The following NHSL2 variants were observed in gnomAD, a reference collection of about 807,000 sequenced individuals.
NHSL2 encodes the protein NHS-like protein 2.
A neutral mutation model predicts 53.4 loss-of-function variants in NHSL2; 27 were observed. That is an observed-to-expected ratio of 0.51 (90% CI 0.37 to 0.70). The LOEUF (loss-of-function observed/expected upper bound fraction) is 0.70. Ranked by LOEUF, NHSL2 falls within the 30% of genes least tolerant of loss-of-function variation. NHSL2 has a pLI of 0.00. For synonymous variants in NHSL2, 408 were observed against 404.1 expected (o/e 1.01, Z -0.12); for missense variants, 892 against 980.1 (o/e 0.91, Z 1.20).
intron 1 of NHSL2, among the ~76,000 whole-genome samples, chrX:72,108,832 C>T (rs753165464): frequency 8.1e-5 from 9 of 111,518 alleles, no homozygotes; most frequent in Non-Finnish European, 1.7e-4. Flanking sequence ...TTCCCTTCCC[C>T]GCCCCAGACC....
intron 1 of NHSL2, among the ~76,000 whole-genome samples, chrX:72,112,355 A>G (rs1480501534): frequency 1.8e-5 from 2 of 111,979 alleles, no homozygotes; most frequent in East Asian, 5.6e-4. Context: ...GATATAACTC[A>G]CATACCATGC....
At chrX:72,011,227 C>T (rs957935259) in intron 1 of NHSL2, among the ~76,000 whole-genome samples, 13 of 112,278 alleles carry the variant, frequency 1.2e-4, no homozygotes, top group Non-Finnish European at 2.1e-4. Context: ...GGGTTATTCC[C>T]AGTTTTGGGC....
chrX:71,980,948 T>A (rs1260913338), intron 1 of NHSL2, among the ~76,000 whole-genome samples: 1 of 111,720 alleles, frequency 9.0e-6, no homozygotes. Context: ...CCCCTTGAAA[T>A]TAAAAAGGAG....
At chrX:71,964,398 CT>C (rs1049238796) in intron 1 of NHSL2, among the ~76,000 whole-genome samples, 2 of 109,683 alleles carry the variant, frequency 1.8e-5, no homozygotes, top group South Asian at 7.9e-4. Flanking sequence ...TGAACTCATC[CT>C]TTTTTATGGC....
At chrX:72,056,994 T>C (rs769913845) in intron 1 of NHSL2, among the ~76,000 whole-genome samples, 1 of 112,597 alleles carries the variant, frequency 8.9e-6, no homozygotes, top group African/African-American at 3.2e-5. Context: ...GGCCTGATTC[T>C]GTGAACTTCA....
At chrX:71,949,906 C>T (rs1244755256) in intron 1 of NHSL2, among the ~76,000 whole-genome samples, 1 of 112,981 alleles carries the variant, frequency 8.9e-6, no homozygotes, top group African/African-American at 3.2e-5. Flanking sequence ...ACAGGGCTGG[C>T]CTGAGGTTGT....
intron 1 of NHSL2, among the ~76,000 whole-genome samples, chrX:71,943,472 A>T (rs1321455066): frequency 1.8e-5 from 2 of 112,858 alleles, no homozygotes; most frequent in East Asian, 5.6e-4. Flanking sequence ...GTATCTGCAC[A>T]TATCGCCTGT....
chrX:71,954,910 C>T (rs2041836292), intron 1 of NHSL2, among the ~76,000 whole-genome samples: 1 of 112,235 alleles, frequency 8.9e-6, no homozygotes, highest in Non-Finnish European at 1.9e-5. Flanking sequence ...CTGATCTTAA[C>T]CCTATTCCCC....
In NHSL2 at chrX:72,043,947, A is replaced by G. The variant is rs752838559; in HGVS notation, c.281-88132A>G. The stretch of plus-strand genomic sequence containing the variant: ...GGTTTGTTCTGCCAAAGTTTATTGG[A>G]CTCCCCTTTATGTCATACACTCCCT... On this transcript the variant is annotated intron_variant, in intron 1 of 7. Transcript: ENST00000633930. Among the ~76,000 whole-genome samples the G allele has an allele frequency of 2.7e-5, 3 of 111,101 alleles. No individual in the cohort carries two copies. The East Asian group carries it at 8.4e-4, about 31-fold the overall frequency.
chrX:72,110,644 G>A lies in NHSL2; in HGVS notation c.281-21435G>A, dbSNP rs760059574. ...CTCAAGAGGGAGGCCCAGCAACAGGGAGTTGGTTTCTGTAGGCCCTAGACT... is the reference window on the plus strand; with the variant it reads ...CTCAAGAGGGAGGCCCAGCAACAGGAAGTTGGTTTCTGTAGGCCCTAGACT... On this transcript the variant is annotated intron_variant, in intron 1 of 7. Transcript: ENST00000633930. Among the ~76,000 whole-genome samples, 35 of 105,186 alleles carry A rather than the reference G, an allele frequency of 3.3e-4. No individual in the cohort carries two copies. The South Asian group carries it at 0.015, about 46-fold the overall frequency. The allele number at this position is 105,186 out of a possible 115,157, so 91.3% of individuals were successfully genotyped here. A position where few individuals can be genotyped will look rare whatever the true frequency, so the allele number is the denominator to read the frequency against.
intron 1 of NHSL2, among the ~76,000 whole-genome samples, chrX:71,984,797 A>G (rs1297439641): frequency 9.6e-6 from 1 of 103,936 alleles, no homozygotes; most frequent in Non-Finnish European, 2.0e-5. Context: ...CCCTTTTTAA[A>G]TTGGCTTTAA....
Position 72,134,520 on chromosome X carries a change from G to A in NHSL2, c.576G>A (p.Arg192=). 1 of 1,165,718 alleles carries A rather than the reference G, an allele frequency of 8.6e-7. No individual in the cohort carries two copies. Among genetic ancestry groups the A allele is most frequent in the African/African-American group, 1.8e-5 (1 of 56,427 alleles). ...RLEFILMPTK[R]QLSEDETTTQ... ...TTCTCTCCCAACAGCCTACAAAACGGCAGCTGAGCGAGGATGAGACTACCA... is the reference window on the plus strand; with the variant it reads ...TTCTCTCCCAACAGCCTACAAAACGACAGCTGAGCGAGGATGAGACTACCA... Residue 192 remains arginine (R), a synonymous_variant, in exon 4 of 8, where the codon CGG becomes CGA. Coordinates refer to ENST00000633930, the MANE Select transcript of NHSL2 (RefSeq NM_001013627.3).
intron 1 of NHSL2, among the ~76,000 whole-genome samples, chrX:71,963,418 A>G (rs1051579900): frequency 1.8e-5 from 2 of 111,626 alleles, no homozygotes; most frequent in African/African-American, 3.3e-5. Context: ...TGGCAAATGT[A>G]AACTCAATTA....
At chrX:72,045,255 G>A (rs1345987012) in intron 1 of NHSL2, among the ~76,000 whole-genome samples, 4 of 112,473 alleles carry the variant, frequency 3.6e-5, no homozygotes, top group Non-Finnish European at 1.9e-5. Flanking sequence ...GTGCAGGGGA[G>A]CAGGGTGAAA....
At position 72,142,298 on chromosome X, in the gene NHSL2, C is replaced by G. The variant is rs1359841173; in HGVS notation, c.3290C>G (p.Ala1097Gly). ...LISDKTAEWI[A>G]EDDDDVFVAS... is the part of the protein sequence containing the mutation. ...AGTGATAAAACAGCTGAATGGATTG[C>G]AGAGGATGATGATGACGTGTTTGTG... The change falls in exon 7 of 8, where the codon GCA becomes GGA. Residue 1097 changes from alanine (A) to glycine (G), a missense_variant. By Grantham distance (60) the Ala-to-Gly change is moderately conservative (BLOSUM62 0). Coordinates refer to ENST00000633930, the MANE Select transcript of NHSL2 (RefSeq NM_001013627.3). 2 of 1,155,864 alleles carry G rather than the reference C, an allele frequency of 1.7e-6. No individual in the cohort carries two copies. Among genetic ancestry groups the G allele is most frequent in the East Asian group, 3.3e-5 (1 of 30,677 alleles).
At chrX:71,978,340 C>T (rs1328534366) in intron 1 of NHSL2, among the ~76,000 whole-genome samples, 1 of 112,132 alleles carries the variant, frequency 8.9e-6, no homozygotes, top group Non-Finnish European at 1.9e-5. Flanking sequence ...CTCCCTTGGA[C>T]CTGCCAACCC....
intron 1 of NHSL2, among the ~76,000 whole-genome samples, chrX:71,928,958 C>G (rs2041699742): frequency 9.0e-6 from 1 of 111,598 alleles, no homozygotes; most frequent in African/African-American, 3.3e-5. Flanking sequence ...ACTGTAGTAC[C>G]CAGAAGTCTT....
At chrX:71,942,521 C>T (rs892119771) in intron 1 of NHSL2, among the ~76,000 whole-genome samples, 2 of 111,872 alleles carry the variant, frequency 1.8e-5, no homozygotes, top group Non-Finnish European at 3.8e-5. Flanking sequence ...TCAGGTAGTA[C>T]CTGGCTGAAC....
rs938097277 is a variant in NHSL2 at position 72,031,597 on chromosome X, C to T, written c.281-100482C>T. On this transcript the variant is annotated intron_variant, in intron 1 of 7. Transcript: ENST00000633930. ...TGTGAGATGGGATTAAAGTGCCAAC[C>T]TTGTCAGTGTTGTCATGAGAATTAA... Among the ~76,000 whole-genome samples the T allele has an allele frequency of 8.1e-5, 9 of 111,512 alleles. 1 individual carries two copies. The highest frequency in any genetic ancestry group is 4.7e-4 in the Admixed American group (5 of 10,575).
Sources: allele counts gnomAD v4.1 joint callset (sites outside exome capture counted in the v4.1 genomes callset), GRCh38; gene constraint gnomAD v4.1.1; transcripts MANE v1.5; gene names NCBI Gene and HGNC (gene_info 2026-07-23, HGNC 2026-07-21).